The following SEPTIN11 variants were observed in gnomAD, a reference collection of about 807,000 sequenced individuals.
SEPTIN11 encodes the protein septin 11.
In SEPTIN11, 25 loss-of-function variants were observed where a neutral mutation model predicts 51.4. That is an observed-to-expected ratio of 0.49 (90% CI 0.35 to 0.68). The LOEUF is 0.68. SEPTIN11 is among the 30% of genes least tolerant of loss of function. The pLI is 0.00. For synonymous variants in SEPTIN11, 174 were observed against 184.1 expected (o/e 0.95, Z 0.44); for missense variants, 381 against 520.8 (o/e 0.73, Z 2.61).
chr4:77,016,633 C>CACATATATATATATATACAT (rs1375044162), intron 5 of SEPTIN11, among the ~76,000 whole-genome samples: 1 of 72,746 alleles, frequency 1.4e-5, no homozygotes, highest in African/African-American at 5.2e-5. Flanking sequence ...TATATATACA[C>CACATATATATATATATACAT]ATATATATAT....
At chr4:77,012,858 C>T (rs1411314860) in intron 4 of SEPTIN11, among the ~76,000 whole-genome samples, 1 of 152,188 alleles carries the variant, frequency 6.6e-6, no homozygotes, top group Admixed American at 6.5e-5. Flanking sequence ...CAGTAGTTTA[C>T]AGAAAAATCT....
intron 9 of SEPTIN11, among the ~76,000 whole-genome samples, chr4:77,033,915 A>T (rs145414369): frequency 6.6e-6 from 1 of 152,326 alleles, no homozygotes; most frequent in East Asian, 1.9e-4. Flanking sequence ...CTTTGTACCT[A>T]AAAGAGGGGG....
chr4:76,971,281 A>G (rs1018033207), intron 1 of SEPTIN11, among the ~76,000 whole-genome samples: 32 of 152,314 alleles, frequency 2.1e-4, no homozygotes, highest in African/African-American at 7.5e-4. Flanking sequence ...AGATGTTAAT[A>G]TTATATGCAT....
chr4:76,995,943 G>A, intron 1 of SEPTIN11: 1 of 1,535,388 alleles, frequency 6.5e-7, no homozygotes, highest in Non-Finnish European at 8.7e-7. Context: ...TTTATGGTAG[G>A]TAGAGCATTG....
chr4:77,012,140 G>T (rs1578181852), intron 4 of SEPTIN11, among the ~76,000 whole-genome samples: 2 of 148,014 alleles, frequency 1.4e-5, no homozygotes, highest in South Asian at 2.1e-4. Flanking sequence ...AAGTCAAGTT[G>T]CTTTCCAGGA....
At position 77,020,555 on chromosome 4, in the gene SEPTIN11, G is replaced by A. The variant is rs1007223729; in HGVS notation, c.838G>A (p.Val280Met). 9.9e-6 allele frequency: 16 copies of A among 1,613,946 alleles called. No homozygotes were observed. The highest frequency in any genetic ancestry group is 1.3e-5 in the Non-Finnish European group (15 of 1,179,974). The change falls in exon 7 of 10, where the codon GTG becomes ATG. Residue 280 changes from valine to methionine, a missense_variant. Val to Met is a conservative substitution (Grantham distance 21). Transcript: ENST00000264893. Reference sequence around the variant, plus strand: ...GAAACTTCGAGAGATGCTGATCCGCGTGAACATGGAGGACTTGCGAGAGCA... The same window carrying A: ...GAAACTTCGAGAGATGCTGATCCGCATGAACATGGAGGACTTGCGAGAGCA... ...FVKLREMLIRVNMEDLREQTH... is the reference protein window; with the variant it reads ...FVKLREMLIRMNMEDLREQTH...
intron 1 of SEPTIN11, among the ~76,000 whole-genome samples, chr4:76,957,087 G>A (rs1277342507): frequency 6.6e-6 from 1 of 151,780 alleles, no homozygotes; most frequent in Non-Finnish European, 1.5e-5. Context: ...ACTCACTGGT[G>A]ATGAGCTTCC....
chr4:77,003,904 T>G (rs1724299859), intron 2 of SEPTIN11, among the ~76,000 whole-genome samples: 1 of 152,148 alleles, frequency 6.6e-6, no homozygotes, highest in Non-Finnish European at 1.5e-5. Context: ...GGATTAGAAG[T>G]AGTTGAAAGG....
chr4:76,997,473 C>A (rs1329480805), intron 2 of SEPTIN11, among the ~76,000 whole-genome samples: 1 of 152,096 alleles, frequency 6.6e-6, no homozygotes, highest in African/African-American at 2.4e-5. Flanking sequence ...AGATATTTTT[C>A]TTTTTTAAAA....
At chr4:76,978,195 T>C (rs532618487) in intron 1 of SEPTIN11, among the ~76,000 whole-genome samples, 8 of 152,300 alleles carry the variant, frequency 5.3e-5, no homozygotes, top group African/African-American at 1.9e-4. Context: ...CTGTGAGAAA[T>C]ATAAGAAATC....
intron 3 of SEPTIN11, among the ~76,000 whole-genome samples, chr4:77,010,561 T>C (rs1296932960): frequency 6.6e-6 from 1 of 152,130 alleles, no homozygotes; most frequent in Non-Finnish European, 1.5e-5. Flanking sequence ...TTTTTATGAC[T>C]GCTTTCAGTT....
At chr4:76,991,945 T>C (rs1723404289) in intron 1 of SEPTIN11, among the ~76,000 whole-genome samples, 2 of 152,190 alleles carry the variant, frequency 1.3e-5, no homozygotes, top group African/African-American at 4.8e-5. Context: ...AAAAGTGAAA[T>C]TGTCAAGTGA....
intron 1 of SEPTIN11, among the ~76,000 whole-genome samples, chr4:76,982,869 G>C (rs1455261774): frequency 2.0e-5 from 3 of 152,208 alleles, no homozygotes. Context: ...GCCTGAGAGG[G>C]ATCTAGTTTA....
intron 1 of SEPTIN11, among the ~76,000 whole-genome samples, chr4:76,979,888 A>C (rs893644515): frequency 6.6e-6 from 1 of 152,050 alleles, no homozygotes; most frequent in Non-Finnish European, 1.5e-5. Flanking sequence ...CACCCAATAA[A>C]CATTATTTTC....
intron 2 of SEPTIN11, among the ~76,000 whole-genome samples, chr4:76,996,920 C>T (rs979860993): frequency 2.2e-5 from 3 of 136,208 alleles, no homozygotes; most frequent in Admixed American, 8.4e-5. Flanking sequence ...TGCCCTGTTG[C>T]CCAGGCTGGA....
At chr4:77,021,824 GT>G (rs891672084) in intron 7 of SEPTIN11, among the ~76,000 whole-genome samples, 1 of 152,210 alleles carries the variant, frequency 6.6e-6, no homozygotes, top group Non-Finnish European at 1.5e-5. Context: ...TTTAGAGATA[GT>G]TTAGGAATGC....
intron 1 of SEPTIN11, among the ~76,000 whole-genome samples, chr4:76,958,623 A>C (rs1721665708): frequency 6.6e-6 from 1 of 152,194 alleles, no homozygotes; most frequent in Non-Finnish European, 1.5e-5. Flanking sequence ...ATTTTGTAAT[A>C]TACTAAGCTA....
chr4:76,987,718 C>T (rs1344990542), intron 1 of SEPTIN11: 5 of 275,632 alleles, frequency 1.8e-5, no homozygotes, highest in East Asian at 3.5e-4. Context: ...GTTCGTGAGG[C>T]CAGAATTTCT....
At chr4:76,987,769 G>C (rs1315475667) in intron 1 of SEPTIN11, 1 of 822,798 alleles carries the variant, frequency 1.2e-6, no homozygotes, top group Non-Finnish European at 1.5e-6. Flanking sequence ...CAAAGATTTT[G>C]TGTGCGAGAC....
Sources: gnomAD v4.1 joint callset for allele counts (sites outside exome capture counted in the v4.1 genomes callset) on GRCh38, gnomAD v4.1.1 for gene constraint, MANE v1.5 for transcripts, NCBI Gene and HGNC (gene_info 2026-07-23, HGNC 2026-07-21) for gene names.